SMAD6: variants seen among roughly 807,000 people sequenced by gnomAD.
The protein encoded by SMAD6 is MAD homolog 6.
SMAD6 carries 103 observed loss-of-function variants against 39.4 expected under a neutral mutation model. The observed-to-expected ratio is 2.62, with a 90% CI of 2.23 to 3.08. The LOEUF is 3.08. SMAD6 is among the 30% of genes most tolerant of loss of function. SMAD6 has a pLI of 0.00. For missense variants in SMAD6, 1,104 were observed against 742.9 expected (o/e 1.49, Z -5.65); for synonymous variants, 445 against 353.3 (o/e 1.26, Z -2.91).
At chr15:66,710,235 A>T (rs1893201510) in intron 1 of SMAD6, among the ~76,000 whole-genome samples, 1 of 152,250 alleles carries the variant, frequency 6.6e-6, no homozygotes, top group Non-Finnish European at 1.5e-5. Context: ...TAGGTGCCTG[A>T]TGAGCATAAT....
Position 66,703,870 on chromosome 15 carries a change from CT to C in SMAD6, c.613del (p.Cys205AlafsTer37), listed in dbSNP as rs1011464295. ...AGTCCCGCGGCGGCGTGCCGGGCGG[CT>C]GCGTGCTGGTGCCGCGCGCCGACCT... ...VESRGGVPGGCVLVPRADLRL... is the reference protein window; with the variant it reads ...VESRGGVPGGXVLVPRADLRL... On this transcript the variant is annotated frameshift_variant, in exon 1 of 4. Transcript: ENST00000288840. LOFTEE classifies it high-confidence loss of function. The C allele has an allele frequency of 7.5e-7, 1 of 1,338,404 alleles. No homozygotes were observed. Among genetic ancestry groups the C allele is most frequent in the Admixed American group, 2.7e-5 (1 of 36,410 alleles). 82.9% of individuals were successfully genotyped at this position (1,338,404 alleles called of 1,614,324 possible). A position where few individuals can be genotyped will look rare whatever the true frequency, so the allele number is the denominator to read the frequency against.
intron 2 of SMAD6, among the ~76,000 whole-genome samples, chr15:66,714,666 C>G (rs182015490): frequency 1.3e-5 from 2 of 152,184 alleles, no homozygotes; most frequent in East Asian, 1.9e-4. Flanking sequence ...CTCCAACTTG[C>G]AGATGGAGTT....
At chr15:66,748,781 C>A (rs1244434800) in intron 3 of SMAD6, among the ~76,000 whole-genome samples, 1 of 152,076 alleles carries the variant, frequency 6.6e-6, no homozygotes, top group Non-Finnish European at 1.5e-5. Flanking sequence ...GAAAAGGAGA[C>A]TCGACGGGAG....
At position 66,781,005 on chromosome 15, in the gene SMAD6, A is replaced by C. The variant is rs1396955608; in HGVS notation, c.961A>C (p.Met321Leu). The C allele has an allele frequency of 3.2e-6, 5 of 1,572,112 alleles. No homozygotes were observed. The South Asian group carries it at 4.6e-5, about 14-fold the overall frequency. Residue 321 changes from methionine (M) to leucine (L), a missense_variant, in exon 4 of 4, where the codon ATG becomes CTG. By Grantham distance (15) the Met-to-Leu change is conservative. Coordinates refer to ENST00000288840, the MANE Select transcript of SMAD6 (RefSeq NM_005585.5). ...TAPGEFSDAS[M>L]SPDATKPSHW... ...CTGTGCTTGTCCCGCAGACGCCAGC[A>C]TGTCTCCGGACGCCACCAAGCCGAG...
chr15:66,764,644 G>A, intron 3 of SMAD6, among the ~76,000 whole-genome samples: 1 of 152,152 alleles, frequency 6.6e-6, no homozygotes, highest in African/African-American at 2.4e-5. Context: ...GATACTGTGG[G>A]TAAGGTTGAC....
intron 3 of SMAD6, among the ~76,000 whole-genome samples, chr15:66,753,410 C>A (rs193138687): frequency 6.6e-5 from 10 of 152,344 alleles, no homozygotes; most frequent in Admixed American, 5.9e-4. Flanking sequence ...CCTCCTTGTT[C>A]CTGTAACGCT....
At chr15:66,712,941 A>T (rs1325675354) in intron 2 of SMAD6, among the ~76,000 whole-genome samples, 1 of 152,156 alleles carries the variant, frequency 6.6e-6, no homozygotes, top group African/African-American at 2.4e-5. Flanking sequence ...CAGGAGTTAG[A>T]GGCTGCAGTG....
chr15:66,766,186 G>C (rs1894284573), intron 3 of SMAD6, among the ~76,000 whole-genome samples: 1 of 152,134 alleles, frequency 6.6e-6, no homozygotes, highest in Non-Finnish European at 1.5e-5. Flanking sequence ...TGTGCCCATA[G>C]GGAAGGGAGG....
At chr15:66,767,174 G>A (rs1894302682) in intron 3 of SMAD6, among the ~76,000 whole-genome samples, 1 of 152,216 alleles carries the variant, frequency 6.6e-6, no homozygotes, top group Admixed American at 6.5e-5. Context: ...AAACCTCTGT[G>A]AGCTTTATAT....
intron 3 of SMAD6, among the ~76,000 whole-genome samples, chr15:66,768,012 C>G (rs1297314363): frequency 7.8e-6 from 1 of 128,554 alleles, no homozygotes; most frequent in Non-Finnish European, 1.6e-5. Context: ...TTCTGTTGGC[C>G]AGGCTGGAGT....
In SMAD6 at chr15:66,703,622, G is replaced by T. The variant is rs1567091529; in HGVS notation, c.364G>T (p.Glu122Ter). The change falls in exon 1 of 4, where the codon GAG (glutamate) becomes TAG (stop). Residue 122 changes from glutamate to a stop codon, truncating the protein, a stop_gained. Transcript: ENST00000288840. LOFTEE classifies it high-confidence loss of function. ...GPGWLPESDC[E>*]TVTCCLFSER... Reference sequence around the variant, plus strand: ...GGGCTGGCTGCCCGAGAGTGACTGCGAGACGGTGACCTGCTGTCTCTTTTC... The same window carrying T: ...GGGCTGGCTGCCCGAGAGTGACTGCTAGACGGTGACCTGCTGTCTCTTTTC... 8.1e-7 allele frequency: 1 copy of T among 1,231,286 alleles called. No homozygotes were observed. Among genetic ancestry groups the T allele is most frequent in the Non-Finnish European group, 1.0e-6 (1 of 984,754 alleles). 76.3% of individuals were successfully genotyped at this position (1,231,286 alleles called of 1,614,324 possible). A position where few individuals can be genotyped will look rare whatever the true frequency, so the allele number is the denominator to read the frequency against.
rs1284707011 is a variant in SMAD6, at chr15:66,703,524, C to T, written c.266C>T (p.Pro89Leu). The stretch of plus-strand genomic sequence containing the variant: ...GGGAGGCGCCGGCGCGCAGGGGGCC[C>T]CCCGAGGCCCATGTCGGAGCCAGGG... ...GAGRRRRAGG[P>L]PRPMSEPGAG... The change falls in exon 1 of 4, where the codon CCC (proline) becomes CTC (leucine). Residue 89 changes from proline to leucine, a missense_variant. Coordinates refer to ENST00000288840, the MANE Select transcript of SMAD6 (RefSeq NM_005585.5). 1.6e-6 allele frequency: 2 copies of T among 1,221,586 alleles called. No individual in the cohort carries two copies. The highest frequency in any genetic ancestry group is 2.0e-6 in the Non-Finnish European group (2 of 979,058). The allele number at this position is 1,221,586 out of a possible 1,614,324, so 75.7% of individuals were successfully genotyped here.
chr15:66,740,937 C>T (rs528390671), intron 3 of SMAD6: 1 of 152,324 alleles, frequency 6.6e-6, no homozygotes, highest in Admixed American at 6.5e-5. Context: ...GATTTGGGAA[C>T]ACACTGGATA....
intron 3 of SMAD6, among the ~76,000 whole-genome samples, chr15:66,727,251 C>A (rs1031129087): frequency 6.6e-6 from 1 of 151,980 alleles, no homozygotes; most frequent in Admixed American, 6.6e-5. Context: ...TACAAGCGTG[C>A]GCCACCATGC....
At chr15:66,729,228 G>A (rs987409925) in intron 3 of SMAD6, among the ~76,000 whole-genome samples, 6 of 152,078 alleles carry the variant, frequency 3.9e-5, no homozygotes, top group Admixed American at 3.3e-4. Context: ...GTCCCCCTGC[G>A]TCTCCCTGCA....
chr15:66,766,329 C>T (rs1894287459), intron 3 of SMAD6, among the ~76,000 whole-genome samples: 2 of 152,132 alleles, frequency 1.3e-5, no homozygotes, highest in African/African-American at 2.4e-5. Context: ...AGTTGAGCAC[C>T]GTCCAGGACG....
chr15:66,708,827 T>A (rs146106987), intron 1 of SMAD6: 7 of 452,292 alleles, frequency 1.5e-5, no homozygotes, highest in East Asian at 7.2e-5. Flanking sequence ...ATAAAAAAAA[T>A]GTCTTGTGTT....
rs565542506 is a variant in SMAD6 at position 66,779,574 on chromosome 15, C to T, written c.953-1423C>T. 3.5e-4 allele frequency among the ~76,000 whole-genome samples: 53 copies of T among 152,344 alleles called. 1 individual carries two copies. The highest frequency in any genetic ancestry group is 1.3e-3 in the African/African-American group (53 of 41,590). ...GGCCTCCCAGTGTGTAAGGGGATGT[C>T]AGGGGCCCTGCCACCCTGTTCTTCT... On this transcript the variant is annotated intron_variant, in intron 3 of 3. Coordinates refer to ENST00000288840, the MANE Select transcript of SMAD6 (RefSeq NM_005585.5).
chr15:66,765,884 A>C (rs774331560), intron 3 of SMAD6, among the ~76,000 whole-genome samples: 3 of 152,314 alleles, frequency 2.0e-5, no homozygotes, highest in Middle Eastern at 3.4e-3. Context: ...GTAACTCAAA[A>C]GTCCCGGCCT....
Sources: allele counts gnomAD v4.1 joint callset (sites outside exome capture counted in the v4.1 genomes callset), GRCh38; gene constraint gnomAD v4.1.1; transcripts MANE v1.5; gene names NCBI Gene and HGNC (gene_info 2026-07-23, HGNC 2026-07-21).